Variants in SPOCK1 observed in about 807,000 individuals in gnomAD.
The protein encoded by SPOCK1 is SPARC (osteonectin), cwcv and kazal like domains proteoglycan 1.
Under a neutral mutation model 55.3 loss-of-function variants are expected in SPOCK1, and 23 were observed. The observed-to-expected ratio is 0.42, with a 90% CI of 0.30 to 0.59. The LOEUF is 0.59. Among genes scored for constraint, SPOCK1 ranks in the 20% least tolerant of loss-of-function variants. The probability of loss-of-function intolerance (pLI) is 0.22; values close to 1 mark genes in which losing one functional copy is unlikely to be tolerated. For synonymous variants in SPOCK1, 226 were observed against 221.0 expected (o/e 1.02, Z -0.20); for missense variants, 499 against 552.5 (o/e 0.90, Z 0.97).
rs869252723 is a variant in SPOCK1, at chr5:137,131,989, AATATAT to A, written c.347+8585_347+8590del. Among the ~76,000 whole-genome samples, 46 of 36,044 alleles carry A rather than the reference AATATAT, an allele frequency of 1.3e-3. 1 individual carries two copies. The highest frequency in any genetic ancestry group is 5.9e-3 in the African/African-American group (32 of 5,404). The allele number at this position is 36,044 out of a possible 152,430, so 23.6% of individuals were successfully genotyped here. On this transcript the variant is annotated intron_variant, in intron 4 of 10. Transcript: ENST00000394945. ...TCCGTCTCAAAAAAAAAAAAAAAAA[AATATAT>A]ATATATATATATATATATATATATA...
chr5:137,278,857 AGAACAAGAGCAAT>A (rs1192861941), intron 2 of SPOCK1, among the ~76,000 whole-genome samples: 4 of 152,198 alleles, frequency 2.6e-5, no homozygotes, highest in African/African-American at 9.7e-5. Flanking sequence ...AATTGTCTTT[AGAACAAGAGCAAT>A]GCACATGAGT....
At chr5:137,470,911 A>G (rs1753726650) in intron 2 of SPOCK1, among the ~76,000 whole-genome samples, 1 of 152,178 alleles carries the variant, frequency 6.6e-6, no homozygotes, top group South Asian at 2.1e-4. Context: ...TAGTCATCCA[A>G]CCTTGGGCAA....
chr5:137,290,841 C>T (rs1429941008), intron 2 of SPOCK1, among the ~76,000 whole-genome samples: 1 of 152,220 alleles, frequency 6.6e-6, no homozygotes, highest in Non-Finnish European at 1.5e-5. Flanking sequence ...CTAGTCTCAA[C>T]CCTGACAGGT....
chr5:137,202,469 T>C (rs1434653202), intron 3 of SPOCK1, among the ~76,000 whole-genome samples: 1 of 152,194 alleles, frequency 6.6e-6, no homozygotes, highest in East Asian at 1.9e-4. Flanking sequence ...ATTTGAGACC[T>C]GGTTTTATCC....
chr5:137,307,582 G>T (rs1050309860), intron 2 of SPOCK1, among the ~76,000 whole-genome samples: 7 of 152,216 alleles, frequency 4.6e-5, no homozygotes, highest in African/African-American at 1.2e-4. Context: ...AGCAAAGGAA[G>T]AATCTGGCAC....
In SPOCK1 at chr5:137,455,371, G is replaced by A. The variant is rs184428602; in HGVS notation, c.186+43002C>T. 5.7e-3 allele frequency among the ~76,000 whole-genome samples: 870 copies of A among 152,216 alleles called. 5 individuals carry two copies. Among genetic ancestry groups the A allele is most frequent in the Non-Finnish European group, 9.5e-3 (644 of 68,004 alleles). On this transcript the variant is annotated intron_variant, in intron 2 of 10. Transcript: ENST00000394945. ...TCTTTACAGACGGTTTTGTTTCCAG[G>A]GCACACTGTAGGCACCAGGCTGCCT... is the stretch of plus-strand genomic sequence containing the variant.
intron 2 of SPOCK1, among the ~76,000 whole-genome samples, chr5:137,496,764 T>C (rs1447155109): frequency 2.0e-5 from 3 of 152,068 alleles, no homozygotes; most frequent in Non-Finnish European, 2.9e-5. Flanking sequence ...ACAGAGCAGG[T>C]CAGGAATGGG....
intron 6 of SPOCK1, among the ~76,000 whole-genome samples, chr5:137,038,635 C>T (rs888623731): frequency 8.5e-5 from 13 of 152,168 alleles, no homozygotes; most frequent in Non-Finnish European, 1.5e-4. Context: ...CTCTCTGGCT[C>T]TCATTACTTT....
chr5:137,036,590 G>A (rs1396643146), intron 6 of SPOCK1, among the ~76,000 whole-genome samples: 1 of 152,202 alleles, frequency 6.6e-6, no homozygotes, highest in Non-Finnish European at 1.5e-5. Flanking sequence ...GTAAATCAAT[G>A]AATGAATGAG....
At chr5:136,980,163 T>TATC (rs1019657722) in intron 9 of SPOCK1, among the ~76,000 whole-genome samples, 3 of 139,916 alleles carry the variant, frequency 2.1e-5, no homozygotes, top group African/African-American at 5.3e-5. Flanking sequence ...TTGCTATTAC[T>TATC]ATCTCCCTGT....
Position 137,260,327 on chromosome 5 carries a change from T to C in SPOCK1, c.232+6683A>G, listed in dbSNP as rs1030564291. Among the ~76,000 whole-genome samples the C allele has an allele frequency of 5.3e-5, 8 of 152,344 alleles. No homozygotes were observed. In the East Asian group the frequency reaches 1.5e-3, roughly 29 times the overall value. ...ATCAGTGGGGGAATAATTGAATTAA[T>C]TGTGATATATTAATACAATAGAATA... On this transcript the variant is annotated intron_variant, in intron 3 of 10. Coordinates refer to ENST00000394945, the MANE Select transcript of SPOCK1 (RefSeq NM_004598.4).
chr5:137,402,804 A>C (rs1260603711), intron 2 of SPOCK1, among the ~76,000 whole-genome samples: 1 of 152,224 alleles, frequency 6.6e-6, no homozygotes, highest in Non-Finnish European at 1.5e-5. Context: ...TAGATTTAGG[A>C]AATAATTATG....
At chr5:137,496,817 G>C (rs756541685) in intron 2 of SPOCK1, among the ~76,000 whole-genome samples, 20 of 152,280 alleles carry the variant, frequency 1.3e-4, no homozygotes, top group Non-Finnish European at 2.2e-4. Flanking sequence ...GGAGGAAAGT[G>C]AGGGGCATAT....
At chr5:137,033,582 G>C (rs1336904341) in intron 6 of SPOCK1, among the ~76,000 whole-genome samples, 3 of 152,168 alleles carry the variant, frequency 2.0e-5, no homozygotes, top group South Asian at 2.1e-4. Flanking sequence ...TGGTAGCTCT[G>C]TCTACCCCTC....
chr5:137,187,145 G>A (rs1046878900), intron 3 of SPOCK1, among the ~76,000 whole-genome samples: 1 of 152,164 alleles, frequency 6.6e-6, no homozygotes, highest in Admixed American at 6.5e-5. Context: ...CTCCCTGAAA[G>A]GATAATGCAG....
chr5:136,989,571 AAC>A (rs1384965058), intron 7 of SPOCK1, among the ~76,000 whole-genome samples: 3 of 152,226 alleles, frequency 2.0e-5, no homozygotes, highest in Non-Finnish European at 4.4e-5. Flanking sequence ...GAATCCTTGT[AAC>A]AGTCCTATGA....
intron 2 of SPOCK1, among the ~76,000 whole-genome samples, chr5:137,325,505 A>G (rs754326017): frequency 6.6e-6 from 1 of 152,206 alleles, no homozygotes; most frequent in South Asian, 2.1e-4. Context: ...CATGCTTCCT[A>G]AAAACTAACA....
intron 2 of SPOCK1, among the ~76,000 whole-genome samples, chr5:137,276,218 T>C (rs1450677980): frequency 6.6e-6 from 1 of 152,234 alleles, no homozygotes. Context: ...CAGCAGCCTA[T>C]GCTCTCTTCG....
intron 2 of SPOCK1, among the ~76,000 whole-genome samples, chr5:137,472,814 G>T (rs1753762361): frequency 6.6e-6 from 1 of 152,158 alleles, no homozygotes; most frequent in African/African-American, 2.4e-5. Flanking sequence ...ATAGAAAAAT[G>T]GGCAAAATTC....
Sources: allele counts gnomAD v4.1 joint callset (sites outside exome capture counted in the v4.1 genomes callset), GRCh38; gene constraint gnomAD v4.1.1; transcripts MANE v1.5; gene names NCBI Gene and HGNC (gene_info 2026-07-23, HGNC 2026-07-21).